Variants in ADAMTSL1 observed in about 807,000 individuals in gnomAD.
ADAMTSL1 encodes ADAMTS like 1.
A neutral mutation model predicts 201.8 loss-of-function variants in ADAMTSL1; 126 were observed. The observed-to-expected ratio is 0.62, with a 90% CI of 0.54 to 0.72. ADAMTSL1 has a LOEUF of 0.72. ADAMTSL1 is among the 30% of genes least tolerant of loss of function. The probability of loss-of-function intolerance (pLI) is 0.00; values close to 1 mark genes in which losing one functional copy is unlikely to be tolerated. For synonymous variants in ADAMTSL1, 1,121 were observed against 903.4 expected (o/e 1.24, Z -4.32); for missense variants, 2,679 against 2,277.8 (o/e 1.18, Z -3.59).
At chr9:17,924,424 C>T (rs77118000) in intron 1 of ADAMTSL1, among the ~76,000 whole-genome samples, 1,778 of 152,086 alleles carry the variant, frequency 0.012, 28 homozygotes, top group African/African-American at 0.041. Context: ...GAGGTGTTTG[C>T]AGTATTCTCT....
At chr9:18,677,021 A>G (rs1305968428) in intron 10 of ADAMTSL1, among the ~76,000 whole-genome samples, 1 of 152,094 alleles carries the variant, frequency 6.6e-6, no homozygotes, top group African/African-American at 2.4e-5. Flanking sequence ...TATTCAATGC[A>G]TATGTATTCA....
At chr9:18,787,408 G>A (rs1331915045) in intron 19 of ADAMTSL1, among the ~76,000 whole-genome samples, 2 of 152,124 alleles carry the variant, frequency 1.3e-5, no homozygotes, top group Non-Finnish European at 2.9e-5. Context: ...GAGGCTTAGA[G>A]TCAGGCACTA....
chr9:18,882,467 G>A (rs533680001), intron 23 of ADAMTSL1, among the ~76,000 whole-genome samples: 1 of 152,222 alleles, frequency 6.6e-6, no homozygotes, highest in Non-Finnish European at 1.5e-5. Flanking sequence ...AGTTTTCCTG[G>A]CTTTTATTGG....
intron 2 of ADAMTSL1, among the ~76,000 whole-genome samples, chr9:18,185,480 A>G (rs1828692136): frequency 6.6e-6 from 1 of 152,170 alleles, no homozygotes. Flanking sequence ...TGACCCACAG[A>G]AACTGTGAAT....
intron 1 of ADAMTSL1, among the ~76,000 whole-genome samples, chr9:18,095,983 G>A (rs188442904): frequency 1.3e-5 from 2 of 152,134 alleles, no homozygotes; most frequent in East Asian, 3.9e-4. Context: ...TTTTTATTTG[G>A]TCTTGTCTGT....
At chr9:18,428,336 T>A (rs866365698) in intron 2 of ADAMTSL1, among the ~76,000 whole-genome samples, 6 of 150,056 alleles carry the variant, frequency 4.0e-5, no homozygotes, top group Middle Eastern at 3.4e-3. Context: ...GTGGCTCACA[T>A]CTATAAATTC....
chr9:18,192,428 A>T (rs1829006551), intron 2 of ADAMTSL1, among the ~76,000 whole-genome samples: 1 of 152,184 alleles, frequency 6.6e-6, no homozygotes, highest in South Asian at 2.1e-4. Context: ...AATGTAACAC[A>T]ACTTGAGCCT....
chr9:18,672,941 T>G (rs1829914625), intron 9 of ADAMTSL1, among the ~76,000 whole-genome samples: 1 of 152,200 alleles, frequency 6.6e-6, no homozygotes, highest in Non-Finnish European at 1.5e-5. Flanking sequence ...GGAGTCATGT[T>G]ACTGCCCAGT....
intron 1 of ADAMTSL1, among the ~76,000 whole-genome samples, chr9:18,116,050 A>G (rs1825235696): frequency 6.6e-6 from 1 of 152,158 alleles, no homozygotes; most frequent in South Asian, 2.1e-4. Context: ...TGCCAGCACT[A>G]TTAGAGGAAG....
intron 2 of ADAMTSL1, among the ~76,000 whole-genome samples, chr9:18,514,660 A>C (rs1432466910): frequency 6.6e-6 from 1 of 152,130 alleles, no homozygotes; most frequent in Non-Finnish European, 1.5e-5. Flanking sequence ...TGTATCCCTC[A>C]GTTTTACTCA....
chr9:18,592,316 C>T (rs928101562), intron 4 of ADAMTSL1, among the ~76,000 whole-genome samples: 1 of 152,104 alleles, frequency 6.6e-6, no homozygotes, highest in Non-Finnish European at 1.5e-5. Context: ...GAAATGGTTC[C>T]TTGTTGTCGC....
chr9:18,581,382 C>T (rs151165306), intron 4 of ADAMTSL1, among the ~76,000 whole-genome samples: 73 of 152,278 alleles, frequency 4.8e-4, no homozygotes, highest in African/African-American at 1.7e-3. Flanking sequence ...GAGGTTTTGA[C>T]TTTAGCTTAT....
chr9:18,586,025 A>G lies in ADAMTSL1; in HGVS notation c.474+11759A>G, dbSNP rs147072874. Among the ~76,000 whole-genome samples, 1,229 of 152,276 alleles carry G rather than the reference A, an allele frequency of 8.1e-3. 15 individuals are homozygous for G. Among genetic ancestry groups the G allele is most frequent in the African/African-American group, 0.028 (1,183 of 41,548 alleles). On this transcript the variant is annotated intron_variant, in intron 4 of 28. Coordinates refer to ENST00000380548, the MANE Select transcript of ADAMTSL1 (RefSeq NM_001040272.6). ...GCCAGAAAATTCCCTTTTAAAACCA[A>G]CACAAGACAAAGATGCCTTCTCTCA...
At position 18,544,972 on chromosome 9, in the gene ADAMTSL1, G is replaced by A. The variant is rs560018689; in HGVS notation, c.237+11680G>A. Among the ~76,000 whole-genome samples, 6 of 152,282 alleles carry A rather than the reference G, an allele frequency of 3.9e-5. No homozygotes were observed. In the South Asian group the frequency reaches 1.2e-3, roughly 32 times the overall value. On this transcript the variant is annotated intron_variant, in intron 3 of 28. Coordinates refer to ENST00000380548, the MANE Select transcript of ADAMTSL1 (RefSeq NM_001040272.6). Reference sequence around the variant, plus strand: ...TTATTAGATTGAGAAAAGCTGATATGAGTCCCCTCTCCTGGCTAGCTCCAC... The same window carrying A: ...TTATTAGATTGAGAAAAGCTGATATAAGTCCCCTCTCCTGGCTAGCTCCAC...
At chr9:18,387,699 C>G (rs190743350) in intron 2 of ADAMTSL1, among the ~76,000 whole-genome samples, 2 of 152,014 alleles carry the variant, frequency 1.3e-5, no homozygotes, top group East Asian at 3.9e-4. Flanking sequence ...ATAACATTAA[C>G]TATAAAATGG....
chr9:17,916,251 A>C lies in ADAMTSL1; in HGVS notation c.87+9329A>C, dbSNP rs952641098. On this transcript the variant is annotated intron_variant, in intron 1 of 29. Coordinates refer to the ADAMTSL1 transcript ENST00000680146. Reference sequence around the variant, plus strand: ...ATGTCTTCTCAGATGTGTGATTTGCAAATATTTTCTTCCAGTCTGTGGCCT... The same window carrying C: ...ATGTCTTCTCAGATGTGTGATTTGCCAATATTTTCTTCCAGTCTGTGGCCT... Among the ~76,000 whole-genome samples the C allele has an allele frequency of 1.6e-4, 25 of 152,280 alleles. No homozygotes were observed. In the East Asian group the frequency reaches 3.9e-3, roughly 24 times the overall value.
rs1409645438 is a variant in ADAMTSL1 at position 18,777,458 on chromosome 9, C to T, written c.3229C>T (p.Arg1077Cys). Reference sequence around the variant, plus strand: ...CTTCACCATGGTGACCGAGCAGCGGCGCCTGGACGACATCCTGGGGAACCT... The same window carrying T: ...CTTCACCATGGTGACCGAGCAGCGGTGCCTGGACGACATCCTGGGGAACCT... Reference protein sequence around the residue: ...LPFTMVTEQRRLDDILGNLSQ... With the variant: ...LPFTMVTEQRCLDDILGNLSQ... Residue 1077 changes from arginine to cysteine, a missense_variant, in exon 19 of 29, where the codon CGC (arginine) becomes TGC (cysteine). Arg to Cys is a radical substitution (Grantham distance 180, BLOSUM62 -3). Coordinates refer to ENST00000380548, the MANE Select transcript of ADAMTSL1 (RefSeq NM_001040272.6). 4 of 1,594,014 alleles carry T rather than the reference C, an allele frequency of 2.5e-6. No individual in the cohort carries two copies. Among genetic ancestry groups the T allele is most frequent in the Non-Finnish European group, 2.6e-6 (3 of 1,170,682 alleles).
chr9:18,180,783 T>G (rs1306981125), intron 2 of ADAMTSL1, among the ~76,000 whole-genome samples: 1 of 152,122 alleles, frequency 6.6e-6, no homozygotes, highest in African/African-American at 2.4e-5. Context: ...TGGAAAAAAC[T>G]ACTTTAAACT....
intron 2 of ADAMTSL1, among the ~76,000 whole-genome samples, chr9:18,532,624 A>G (rs1819515288): frequency 6.6e-6 from 1 of 151,990 alleles, no homozygotes; most frequent in Admixed American, 6.6e-5. Context: ...TGCGTAAGTG[A>G]TGTGATTTTT....
Sources: allele counts gnomAD v4.1 joint callset (sites outside exome capture counted in the v4.1 genomes callset), GRCh38; gene constraint gnomAD v4.1.1; transcripts MANE v1.5; gene names NCBI Gene and HGNC (gene_info 2026-07-23, HGNC 2026-07-21).